DNAAF4: variants seen among roughly 807,000 people sequenced by gnomAD.
The protein encoded by DNAAF4 is dynein axonemal assembly factor 4.
Under a neutral mutation model 51.8 loss-of-function variants are expected in DNAAF4, and 43 were observed. The observed-to-expected ratio is 0.83, with a 90% CI of 0.65 to 1.07. The LOEUF (loss-of-function observed/expected upper bound fraction) is 1.07. DNAAF4 is among the 50% of genes least tolerant of loss of function. The probability of loss-of-function intolerance (pLI) is 0.00; values close to 1 mark genes in which losing one functional copy is unlikely to be tolerated. For synonymous variants in DNAAF4, 194 were observed against 165.6 expected (o/e 1.17, Z -1.32); for missense variants, 581 against 493.0 (o/e 1.18, Z -1.69).
intron 5 of DNAAF4, among the ~76,000 whole-genome samples, chr15:55,453,930 T>C (rs1342436517): frequency 6.6e-6 from 1 of 152,118 alleles, no homozygotes; most frequent in Non-Finnish European, 1.5e-5. Flanking sequence ...AAATTAGTCA[T>C]GGTTGAAGAA....
chr15:55,479,776 A>G (rs1422547166), intron 4 of DNAAF4, among the ~76,000 whole-genome samples: 1 of 152,132 alleles, frequency 6.6e-6, no homozygotes, highest in Non-Finnish European at 1.5e-5. Flanking sequence ...TGTCTTGTGC[A>G]GTTGAGATAA....
At chr15:55,472,397 C>G (rs895734777) in intron 4 of DNAAF4, among the ~76,000 whole-genome samples, 1 of 152,168 alleles carries the variant, frequency 6.6e-6, no homozygotes, top group Non-Finnish European at 1.5e-5. Context: ...GCAGGTTGAT[C>G]ACTTGAGGTC....
At chr15:55,498,111 C>A in intron 2 of DNAAF4, 96 bp downstream of exon 2, 2 of 1,582,708 alleles carry the variant, frequency 1.3e-6, no homozygotes, top group Non-Finnish European at 1.7e-6. Flanking sequence ...GGACGTTTAT[C>A]GGCAAAGATG....
At chr15:55,483,605 A>G (rs2058441328) in intron 4 of DNAAF4, among the ~76,000 whole-genome samples, 1 of 151,892 alleles carries the variant, frequency 6.6e-6, no homozygotes, top group South Asian at 2.1e-4. Context: ...CAGTGGCACA[A>G]TCTTGGCCCA....
At chr15:55,456,207 C>A (rs186527309) in intron 5 of DNAAF4, among the ~76,000 whole-genome samples, 2 of 151,790 alleles carry the variant, frequency 1.3e-5, no homozygotes, top group Admixed American at 1.3e-4. Flanking sequence ...CAGTGCCTCC[C>A]GAGTAGCTGG....
intron 5 of DNAAF4, among the ~76,000 whole-genome samples, chr15:55,462,284 C>G (rs2058104153): frequency 6.8e-6 from 1 of 148,100 alleles, no homozygotes; most frequent in East Asian, 2.0e-4. Context: ...ACCTCCATCT[C>G]CGGGTTTAAG....
chr15:55,483,474 A>C (rs2141562324), intron 4 of DNAAF4, among the ~76,000 whole-genome samples: 1 of 152,264 alleles, frequency 6.6e-6, no homozygotes, highest in South Asian at 2.1e-4. Flanking sequence ...ACATACTAAG[A>C]AACAATGAAT....
intron 6 of DNAAF4, among the ~76,000 whole-genome samples, chr15:55,446,386 G>A (rs1273092393): frequency 1.6e-4 from 17 of 107,880 alleles, no homozygotes; most frequent in South Asian, 3.3e-4. Context: ...GATGATGGGC[G>A]GCCGGGCAGA....
chr15:55,430,886 C>T (rs183173016), intron 9 of DNAAF4, 107 bp from the exon 10 acceptor site: 840 of 843,772 alleles, frequency 1.0e-3, no homozygotes, highest in Non-Finnish European at 1.3e-3. Flanking sequence ...TAGCATGGTT[C>T]AGAACAAGTA....
At chr15:55,440,448 G>A (rs1002876926) in intron 6 of DNAAF4, among the ~76,000 whole-genome samples, 7 of 150,752 alleles carry the variant, frequency 4.6e-5, no homozygotes, top group South Asian at 2.1e-4. Flanking sequence ...GTGCGATCTC[G>A]GCTCACTGCA....
intron 6 of DNAAF4, chr15:55,443,206 T>C: frequency 9.3e-6 from 15 of 1,609,892 alleles, no homozygotes; most frequent in Middle Eastern, 1.7e-4. Flanking sequence ...CCAGCTGGGG[T>C]TGGGGACAGA....
In DNAAF4 at chr15:55,498,547, G is replaced by T. The variant is rs2058671019; in HGVS notation, c.-218C>A. 8.4e-6 allele frequency: 3 copies of T among 355,640 alleles called. No homozygotes were observed. The highest frequency in any genetic ancestry group is 5.4e-5 in the Admixed American group (1 of 18,434). 22.0% of individuals were successfully genotyped at this position (355,640 alleles called of 1,614,324 possible). ...ATGCCGATTCTTGGGGTTACCTTAC[G>T]ATCTGAGCGAATGTTCAAAGAAGTA... On this transcript the variant is annotated 5_prime_UTR_variant, in exon 2 of 10. Coordinates refer to ENST00000321149, the MANE Select transcript of DNAAF4 (RefSeq NM_130810.4).
intron 7 of DNAAF4, among the ~76,000 whole-genome samples, chr15:55,418,922 C>G (rs1293437142): frequency 8.6e-5 from 1 of 11,582 alleles, no homozygotes; most frequent in Non-Finnish European, 2.4e-4. Flanking sequence ...CAATTTCACA[C>G]TTTTTTTTTT....
chr15:55,458,544 G>A (rs541269049), intron 5 of DNAAF4, among the ~76,000 whole-genome samples: 3 of 152,128 alleles, frequency 2.0e-5, no homozygotes, highest in Non-Finnish European at 4.4e-5. Context: ...CTGAGATTAT[G>A]TAAACAAGCA....
chr15:55,488,107 T>C (rs1302948174), intron 4 of DNAAF4, among the ~76,000 whole-genome samples: 4 of 134,950 alleles, frequency 3.0e-5, no homozygotes, highest in African/African-American at 1.2e-4. Flanking sequence ...GAAATACCAA[T>C]CTTTTTCTTT....
intron 8 of DNAAF4, among the ~76,000 whole-genome samples, chr15:55,433,972 T>TATATA (rs2057560502): frequency 1.9e-4 from 4 of 21,316 alleles, no homozygotes; most frequent in African/African-American, 7.3e-4. Flanking sequence ...TAATATATTT[T>TATATA]ATATATTATA....
chr15:55,465,001 T>A (rs1172762359), intron 5 of DNAAF4, among the ~76,000 whole-genome samples: 1 of 152,002 alleles, frequency 6.6e-6, no homozygotes, highest in Non-Finnish European at 1.5e-5. Context: ...CATGAAAAAA[T>A]GCTCAACACC....
intron 7 of DNAAF4, among the ~76,000 whole-genome samples, chr15:55,422,086 A>G (rs2057393391): frequency 6.6e-6 from 1 of 152,052 alleles, no homozygotes; most frequent in South Asian, 2.1e-4. Context: ...ACACATGAAT[A>G]TATGCATAAA....
chr15:55,472,572 C>A (rs943685664), intron 4 of DNAAF4, among the ~76,000 whole-genome samples: 2 of 151,674 alleles, frequency 1.3e-5, no homozygotes, highest in Non-Finnish European at 2.9e-5. Flanking sequence ...GAGCCAAGAT[C>A]GCCCCACTGC....
Sources: gnomAD v4.1 joint callset for allele counts (sites outside exome capture counted in the v4.1 genomes callset) on GRCh38, gnomAD v4.1.1 for gene constraint, MANE v1.5 for transcripts, NCBI Gene and HGNC (gene_info 2026-07-23, HGNC 2026-07-21) for gene names.